Variants in DOK6 observed in about 807,000 individuals in gnomAD.
The protein encoded by DOK6 is docking protein 6, also known as downstream of tyrosine kinase 6.
In DOK6, 22 loss-of-function variants were observed where a neutral mutation model predicts 44.0. The observed-to-expected ratio is 0.50, with a 90% CI of 0.36 to 0.71. The LOEUF (loss-of-function observed/expected upper bound fraction) is 0.71. Among genes scored for constraint, DOK6 ranks in the 30% least tolerant of loss-of-function variants. The pLI is 0.00. For missense variants in DOK6, 340 were observed against 416.4 expected (o/e 0.82, Z 1.60); for synonymous variants, 166 against 145.5 (o/e 1.14, Z -1.01).
At chr18:69,629,888 T>C (rs1156892601) in intron 3 of DOK6, among the ~76,000 whole-genome samples, 1 of 152,168 alleles carries the variant, frequency 6.6e-6, no homozygotes, top group Non-Finnish European at 1.5e-5. Flanking sequence ...CCTCCCAGGT[T>C]CAAGTGATTC....
At chr18:69,545,077 G>A (rs912126435) in intron 1 of DOK6, among the ~76,000 whole-genome samples, 2 of 148,314 alleles carry the variant, frequency 1.3e-5, no homozygotes, top group African/African-American at 2.5e-5. Context: ...CCGAGATTGC[G>A]CCACTGCACT....
At chr18:69,450,992 A>G (rs1979446784) in intron 1 of DOK6, among the ~76,000 whole-genome samples, 2 of 148,134 alleles carry the variant, frequency 1.4e-5, no homozygotes, top group African/African-American at 5.0e-5. Flanking sequence ...CTAGGAAGAA[A>G]CTGCATCAAC....
intron 1 of DOK6, among the ~76,000 whole-genome samples, chr18:69,510,767 C>T (rs1981345120): frequency 6.6e-6 from 1 of 152,062 alleles, no homozygotes. Context: ...GCTTAATAGC[C>T]AATTGTAACT....
chr18:69,745,308 T>C (rs1294813049), intron 6 of DOK6, among the ~76,000 whole-genome samples: 1 of 152,176 alleles, frequency 6.6e-6, no homozygotes, highest in Non-Finnish European at 1.5e-5. Context: ...TTGCTGGAAC[T>C]GAACAATATA....
intron 1 of DOK6, among the ~76,000 whole-genome samples, chr18:69,499,272 G>A (rs916018548): frequency 7.6e-6 from 1 of 131,976 alleles, no homozygotes; most frequent in African/African-American, 2.5e-5. Flanking sequence ...AGATGCGATG[G>A]GCTAAGAAGA....
intron 3 of DOK6, among the ~76,000 whole-genome samples, chr18:69,604,626 A>AT (rs1171218142): frequency 1.3e-5 from 2 of 152,080 alleles, no homozygotes; most frequent in Admixed American, 6.6e-5. Flanking sequence ...TAAAGGCAAG[A>AT]TTTTTTTTAA....
intron 1 of DOK6, among the ~76,000 whole-genome samples, chr18:69,527,560 T>C (rs1302262012): frequency 6.6e-6 from 1 of 152,184 alleles, no homozygotes; most frequent in Non-Finnish European, 1.5e-5. Context: ...ACGTGGGGAT[T>C]ATGGGAACTA....
chr18:69,712,616 A>T (rs573599607), intron 5 of DOK6, among the ~76,000 whole-genome samples: 1 of 152,214 alleles, frequency 6.6e-6, no homozygotes, highest in Admixed American at 6.5e-5. Context: ...AGGCTGAGGC[A>T]GGCAGATCAC....
At chr18:69,567,156 C>G (rs1448996944) in intron 2 of DOK6, among the ~76,000 whole-genome samples, 2 of 152,180 alleles carry the variant, frequency 1.3e-5, no homozygotes, top group Non-Finnish European at 2.9e-5. Context: ...AACTCCAACT[C>G]ATTAACATCA....
chr18:69,493,017 G>A (rs1980780586), intron 1 of DOK6, among the ~76,000 whole-genome samples: 1 of 151,808 alleles, frequency 6.6e-6, no homozygotes, highest in South Asian at 2.1e-4. Context: ...TATTGTCACA[G>A]CAAATGCCCT....
chr18:69,847,382 C>G lies in DOK6; in HGVS notation c.*5999C>G, dbSNP rs1378294639. ...TCTACACTCTCAGCCTGTAGCTGTG[C>G]TAATGTTAGGATTGAATTGTTCTAT... On this transcript the variant is annotated 3_prime_UTR_variant, in exon 8 of 8. Coordinates refer to ENST00000382713, the MANE Select transcript of DOK6 (RefSeq NM_152721.6). The G allele has an allele frequency of 6.6e-6, 1 of 152,166 alleles. No individual in the cohort carries two copies. The highest frequency in any genetic ancestry group is 1.5e-5 in the Non-Finnish European group (1 of 68,030). 9.4% of individuals were successfully genotyped at this position (152,166 alleles called of 1,614,324 possible).
rs56768917 is a variant in DOK6 at position 69,652,918 on chromosome 18, A to G, written c.290-24816A>G. ...AATAGTAAGGACAAACGATTATCTG[A>G]CAGTCTATGTTATTTTCAGACCCAT... On this transcript the variant is annotated intron_variant, in intron 3 of 7. Transcript: ENST00000382713. Among the ~76,000 whole-genome samples the G allele has an allele frequency of 5.2e-3, 792 of 152,318 alleles. 3 individuals carry two copies. The highest frequency in any genetic ancestry group is 0.018 in the African/African-American group (749 of 41,560).
chr18:69,496,351 A>C (rs1980888528), intron 1 of DOK6, among the ~76,000 whole-genome samples: 1 of 152,140 alleles, frequency 6.6e-6, no homozygotes, highest in South Asian at 2.1e-4. Context: ...CACCCCACCA[A>C]CTCGGAAGGG....
chr18:69,745,270 TA>T (rs1255737267), intron 6 of DOK6, among the ~76,000 whole-genome samples: 1 of 152,162 alleles, frequency 6.6e-6, no homozygotes, highest in Non-Finnish European at 1.5e-5. Flanking sequence ...TTTCTGTGTT[TA>T]AAAAAATACA....
intron 6 of DOK6, among the ~76,000 whole-genome samples, chr18:69,755,931 C>A (rs1229271841): frequency 1.3e-5 from 2 of 152,230 alleles, no homozygotes; most frequent in African/African-American, 4.8e-5. Context: ...TCCCACCTCA[C>A]AGATTGAACA....
chr18:69,830,611 T>C (rs1013692714), intron 7 of DOK6, among the ~76,000 whole-genome samples: 2 of 152,218 alleles, frequency 1.3e-5, no homozygotes, highest in Admixed American at 1.3e-4. Flanking sequence ...CTACCCAGTC[T>C]GTGGCATTTT....
intron 1 of DOK6, among the ~76,000 whole-genome samples, chr18:69,549,091 G>A (rs1429440069): frequency 3.5e-5 from 4 of 112,846 alleles, no homozygotes; most frequent in Admixed American, 9.7e-5. Flanking sequence ...GTGAGACTCC[G>A]TCTCAAAAAA....
At chr18:69,521,446 T>TAAA (rs74175371) in intron 1 of DOK6, among the ~76,000 whole-genome samples, 4,161 of 146,790 alleles carry the variant, frequency 0.028, 75 homozygotes, top group Non-Finnish European at 0.045. Context: ...TACAGTCATT[T>TAAA]AAAAAAAAAA....
chr18:69,783,654 G>T (rs1243707120), intron 7 of DOK6, among the ~76,000 whole-genome samples: 1 of 151,846 alleles, frequency 6.6e-6, no homozygotes, highest in African/African-American at 2.4e-5. Context: ...AATCACTTTG[G>T]ATTTGTATTT....
Sources: allele counts gnomAD v4.1 joint callset (sites outside exome capture counted in the v4.1 genomes callset), GRCh38; gene constraint gnomAD v4.1.1; transcripts MANE v1.5; gene names NCBI Gene and HGNC (gene_info 2026-07-23, HGNC 2026-07-21).